KCNMA1: variants seen among roughly 807,000 people sequenced by gnomAD.
KCNMA1 encodes the protein potassium calcium-activated channel subfamily M alpha 1, also known as Calcium-activated potassium channel subunit alpha-1.
In KCNMA1, 29 loss-of-function variants were observed where a neutral mutation model predicts 140.0. That is an observed-to-expected ratio of 0.21 (90% CI 0.15 to 0.28). KCNMA1 has a LOEUF of 0.28. Among genes scored for constraint, KCNMA1 ranks in the 10% least tolerant of loss-of-function variants. The pLI is 1.00. For synonymous variants in KCNMA1, 612 were observed against 611.9 expected, an observed-to-expected ratio of 1.00 and a Z score of 0.00; for missense variants, 880 against 1,602.2, an observed-to-expected ratio of 0.55 and a Z score of 7.70.
At chr10:77,502,228 C>G (rs1467965815) in intron 1 of KCNMA1, among the ~76,000 whole-genome samples, 1 of 152,220 alleles carries the variant, frequency 6.6e-6, no homozygotes, top group East Asian at 1.9e-4. Context: ...CACTGACAAT[C>G]GTGATTCTGA....
At chr10:76,914,558 A>G in intron 24 of KCNMA1, 1 of 336,048 alleles carries the variant, frequency 3.0e-6, no homozygotes, top group South Asian at 3.4e-5. Context: ...CTCAGATTGT[A>G]GGAGCTGTCC....
At chr10:77,293,426 A>G (rs1430791233) in intron 2 of KCNMA1, among the ~76,000 whole-genome samples, 1 of 152,124 alleles carries the variant, frequency 6.6e-6, no homozygotes, top group Non-Finnish European at 1.5e-5. Flanking sequence ...TATCAGCTCT[A>G]CCATGTTCTG....
At chr10:77,099,935 A>G (rs2097055276) in intron 9 of KCNMA1, among the ~76,000 whole-genome samples, 1 of 152,112 alleles carries the variant, frequency 6.6e-6, no homozygotes, top group Non-Finnish European at 1.5e-5. Context: ...TCCACTGTTC[A>G]ATGGGTATGT....
At chr10:77,630,558 G>A (rs2093062660) in intron 1 of KCNMA1, among the ~76,000 whole-genome samples, 3 of 152,136 alleles carry the variant, frequency 2.0e-5, no homozygotes, top group Non-Finnish European at 1.5e-5. Context: ...CAACGATCTG[G>A]CAGAGCAAAC....
At position 77,436,373 on chromosome 10, in the gene KCNMA1, A is replaced by T. The variant is rs560021075; in HGVS notation, c.379-32350T>A. Among the ~76,000 whole-genome samples, 28 of 152,350 alleles carry T rather than the reference A, an allele frequency of 1.8e-4. No individual in the cohort carries two copies. In the South Asian group the frequency reaches 5.6e-3, roughly 30 times the overall value. ...ATTACAAGAAGATTCTTCACTCTCC[A>T]AAAGCAACCCTTTGTCGTCTGAGCA... On this transcript the variant is annotated intron_variant, in intron 1 of 27. Coordinates refer to ENST00000286628, the MANE Select transcript of KCNMA1 (RefSeq NM_001161352.2).
intron 1 of KCNMA1, among the ~76,000 whole-genome samples, chr10:77,502,345 G>A (rs1339488580): frequency 1.3e-5 from 2 of 152,048 alleles, no homozygotes; most frequent in Non-Finnish European, 2.9e-5. Flanking sequence ...GGAGACGGAG[G>A]CCCGTACTCT....
chr10:77,190,138 A>G (rs1016147575), intron 3 of KCNMA1, among the ~76,000 whole-genome samples: 3 of 152,110 alleles, frequency 2.0e-5, no homozygotes, highest in East Asian at 1.9e-4. Context: ...TTCGAGGCCA[A>G]CCTCCAGGCT....
intron 1 of KCNMA1, among the ~76,000 whole-genome samples, chr10:77,558,359 G>A (rs2065250453): frequency 6.6e-6 from 1 of 152,190 alleles, no homozygotes; most frequent in Non-Finnish European, 1.5e-5. Flanking sequence ...GCTGGGTGTA[G>A]CAACTCCATC....
rs140448923 is a variant in KCNMA1 at position 77,197,452 on chromosome 10, TA to T, written c.603-12537del. On this transcript the variant is annotated intron_variant, in intron 3 of 27. Coordinates refer to ENST00000286628, the MANE Select transcript of KCNMA1 (RefSeq NM_001161352.2). ...ATTTGTCATTAGTCTTTGCTCAGCATAAACCTAAAAACGGGAGATTTATCTC... is the reference window on the plus strand; with the variant it reads ...ATTTGTCATTAGTCTTTGCTCAGCATAACCTAAAAACGGGAGATTTATCTC... 7.7e-3 allele frequency among the ~76,000 whole-genome samples: 1,170 copies of T among 152,312 alleles called. 9 individuals are homozygous for T. The highest frequency in any genetic ancestry group is 0.014 in the Non-Finnish European group (941 of 68,024).
intron 6 of KCNMA1, among the ~76,000 whole-genome samples, chr10:77,120,399 GT>G (rs1047445674): frequency 5.3e-5 from 8 of 152,182 alleles, no homozygotes; most frequent in African/African-American, 1.7e-4. Context: ...AGGTTTGTAG[GT>G]TTTCCCCCAA....
chr10:77,169,549 C>A (rs149227204), intron 5 of KCNMA1, among the ~76,000 whole-genome samples: 1 of 151,916 alleles, frequency 6.6e-6, no homozygotes, highest in African/African-American at 2.4e-5. Flanking sequence ...GCCACCATGC[C>A]GGGCTAATTT....
chr10:76,999,036 G>A (rs887167058), intron 19 of KCNMA1, among the ~76,000 whole-genome samples: 4 of 152,302 alleles, frequency 2.6e-5, no homozygotes, highest in Non-Finnish European at 5.9e-5. Context: ...GCTTCAACAC[G>A]CAGCCCAAAG....
intron 2 of KCNMA1, among the ~76,000 whole-genome samples, chr10:77,374,108 G>C (rs2094923778): frequency 6.6e-6 from 1 of 152,196 alleles, no homozygotes. Context: ...CAGACTCTGA[G>C]TACTTCATGT....
At chr10:77,477,052 C>T (rs1461436557) in intron 1 of KCNMA1, among the ~76,000 whole-genome samples, 1 of 152,190 alleles carries the variant, frequency 6.6e-6, no homozygotes, top group African/African-American at 2.4e-5. Context: ...AGGCAGGACA[C>T]CTGGATTCCA....
chr10:77,207,903 T>C (rs948787992), intron 3 of KCNMA1, among the ~76,000 whole-genome samples: 4 of 152,234 alleles, frequency 2.6e-5, no homozygotes, highest in Non-Finnish European at 5.9e-5. Flanking sequence ...TTGACATTTC[T>C]GTTTAGAAGA....
chr10:77,217,335 C>A, intron 3 of KCNMA1: 25 of 264,096 alleles, frequency 9.5e-5, no homozygotes, highest in East Asian at 2.1e-4. Context: ...CAAAAAAAAA[C>A]TAAATTTTTT....
At chr10:77,518,881 C>T (rs1295458493) in intron 1 of KCNMA1, among the ~76,000 whole-genome samples, 2 of 152,214 alleles carry the variant, frequency 1.3e-5, no homozygotes, top group Non-Finnish European at 2.9e-5. Flanking sequence ...GCCGCCTGCA[C>T]TGTATGAATG....
At chr10:77,392,498 C>T (rs1425591649) in intron 2 of KCNMA1, among the ~76,000 whole-genome samples, 1 of 152,194 alleles carries the variant, frequency 6.6e-6, no homozygotes, top group African/African-American at 2.4e-5. Context: ...AGAAACCTTG[C>T]CACCCCAAAT....
rs1568036559 is a variant in KCNMA1 at position 77,637,604 on chromosome 10, GCCGCTGCTGCCGCCGCCGCCGCCGCCA to G, written c.12_38del (p.Ser11_Gly19del). ...TGCTGCCTCCGCCGCCGCCGCCGCC[GCCGCTGCTGCCGCCGCCGCCGCCGCCA>G]CCATTTGCCATAGCTAGCAACGGGC... is the stretch of plus-strand genomic sequence containing the variant. On this transcript the variant is annotated inframe_deletion, in exon 1 of 28. Coordinates refer to ENST00000286628, the MANE Select transcript of KCNMA1 (RefSeq NM_001161352.2). 2 of 1,524,602 alleles carry G rather than the reference GCCGCTGCTGCCGCCGCCGCCGCCGCCA, an allele frequency of 1.3e-6. No individual in the cohort carries two copies. The highest frequency in any genetic ancestry group is 1.2e-5 in the South Asian group (1 of 82,704). 94.4% of individuals were successfully genotyped at this position (1,524,602 alleles called of 1,614,324 possible).
Sources: gnomAD v4.1 joint callset for allele counts (sites outside exome capture counted in the v4.1 genomes callset) on GRCh38, gnomAD v4.1.1 for gene constraint, MANE v1.5 for transcripts, NCBI Gene and HGNC (gene_info 2026-07-23, HGNC 2026-07-21) for gene names.